The following CDH18 variants were observed in gnomAD, a reference collection of about 807,000 sequenced individuals.
CDH18 encodes the protein cadherin-18.
In CDH18, 31 loss-of-function variants were observed where a neutral mutation model predicts 67.9. That is an observed-to-expected ratio of 0.46 (90% CI 0.34 to 0.62). CDH18 has a LOEUF of 0.62. CDH18 is among the 20% of genes least tolerant of loss of function. The pLI, the probability that CDH18 is intolerant of heterozygous loss-of-function variation, is 0.01. For synonymous variants in CDH18, 362 were observed against 347.2 expected (o/e 1.04, Z -0.48); for missense variants, 890 against 975.5 (o/e 0.91, Z 1.17).
chr5:20,037,546 A>G (rs1040278758), intron 2 of CDH18, among the ~76,000 whole-genome samples: 1 of 152,160 alleles, frequency 6.6e-6, no homozygotes, highest in African/African-American at 2.4e-5. Flanking sequence ...ATTCAGGATT[A>G]AGAAACTCAC....
intron 6 of CDH18, among the ~76,000 whole-genome samples, chr5:19,598,216 T>C (rs1746479503): frequency 6.6e-6 from 1 of 152,180 alleles, no homozygotes; most frequent in Non-Finnish European, 1.5e-5. Context: ...GAGAGTATTG[T>C]CCGTAACTTA....
chr5:20,035,923 G>A (rs1346435608), intron 2 of CDH18, among the ~76,000 whole-genome samples: 1 of 151,936 alleles, frequency 6.6e-6, no homozygotes, highest in Non-Finnish European at 1.5e-5. Flanking sequence ...GAATTTGATA[G>A]CTGAATATAT....
chr5:19,882,447 T>A (rs556932369), intron 2 of CDH18, among the ~76,000 whole-genome samples: 1 of 152,138 alleles, frequency 6.6e-6, no homozygotes, highest in Non-Finnish European at 1.5e-5. Flanking sequence ...TTTCTTAGGA[T>A]CATTAAGTCA....
chr5:20,178,468 A>G (rs536245321), intron 2 of CDH18, among the ~76,000 whole-genome samples: 113 of 151,744 alleles, frequency 7.4e-4, no homozygotes, highest in African/African-American at 2.6e-3. Context: ...CTAATTAAAG[A>G]TAAACTAAGT....
intron 2 of CDH18, among the ~76,000 whole-genome samples, chr5:20,234,737 T>A (rs765659026): frequency 3.9e-5 from 6 of 152,052 alleles, no homozygotes; most frequent in Non-Finnish European, 7.4e-5. Context: ...AAAAAAAAAT[T>A]CTGTAGAGCA....
chr5:20,242,211 T>G (rs1742981343), intron 2 of CDH18, among the ~76,000 whole-genome samples: 1 of 152,082 alleles, frequency 6.6e-6, no homozygotes, highest in Non-Finnish European at 1.5e-5. Context: ...TATTTTGATA[T>G]ATGTTTACAA....
intron 5 of CDH18, 110 bp from the exon 6 acceptor site, chr5:19,612,711 G>T: frequency 3.6e-6 from 3 of 823,814 alleles, no homozygotes; most frequent in South Asian, 3.6e-5. Context: ...ATATTTTTGG[G>T]ATAAAGTCAC....
chr5:19,633,514 C>A (rs1335518800), intron 5 of CDH18, among the ~76,000 whole-genome samples: 2 of 151,978 alleles, frequency 1.3e-5, no homozygotes, highest in Admixed American at 1.3e-4. Context: ...ACAAACATTT[C>A]TTTATAAAAT....
At chr5:20,058,371 T>G (rs1742175132) in intron 2 of CDH18, among the ~76,000 whole-genome samples, 1 of 152,148 alleles carries the variant, frequency 6.6e-6, no homozygotes, top group Non-Finnish European at 1.5e-5. Context: ...TTCAAAATGA[T>G]TAAGTAGCAC....
chr5:20,270,864 A>T (rs1178096278), intron 1 of CDH18, among the ~76,000 whole-genome samples: 3 of 152,136 alleles, frequency 2.0e-5, no homozygotes, highest in Non-Finnish European at 2.9e-5. Context: ...CATTATCCTT[A>T]GCAACCTCTA....
intron 1 of CDH18, among the ~76,000 whole-genome samples, chr5:20,409,972 TAAG>T (rs1473466601): frequency 3.3e-5 from 5 of 151,700 alleles, no homozygotes; most frequent in African/African-American, 4.8e-5. Flanking sequence ...GGATTTATAA[TAAG>T]AAGATTAAGT....
At chr5:19,534,495 A>G (rs1749119386) in intron 9 of CDH18, among the ~76,000 whole-genome samples, 1 of 152,166 alleles carries the variant, frequency 6.6e-6, no homozygotes, top group Non-Finnish European at 1.5e-5. Flanking sequence ...AAAAATTCAG[A>G]AGATGAAAAA....
chr5:19,638,457 A>G (rs548119453), intron 5 of CDH18, among the ~76,000 whole-genome samples: 1 of 151,858 alleles, frequency 6.6e-6, no homozygotes, highest in East Asian at 1.9e-4. Flanking sequence ...AAGAAATTCC[A>G]CCTCATCCTA....
At chr5:20,267,442 C>T (rs1745125157) in intron 1 of CDH18, among the ~76,000 whole-genome samples, 1 of 151,888 alleles carries the variant, frequency 6.6e-6, no homozygotes, top group South Asian at 2.1e-4. Context: ...CATATAAATT[C>T]TAGGACTTTT....
chr5:20,080,378 A>T (rs551742764), intron 2 of CDH18, among the ~76,000 whole-genome samples: 3 of 152,320 alleles, frequency 2.0e-5, no homozygotes, highest in Non-Finnish European at 2.9e-5. Context: ...TTATATTATG[A>T]TAATTCATTA....
chr5:20,562,259 AG>A lies in CDH18; in HGVS notation c.-580+13202del, dbSNP rs563164687. On this transcript the variant is annotated intron_variant, in intron 1 of 14. Coordinates refer to the CDH18 transcript ENST00000507958. ...GAAATAGAAATAGAAATTAGTATCAAGAGTTTTAAAGTTGCTTGGGGACAAG... is the reference window on the plus strand; with the variant it reads ...GAAATAGAAATAGAAATTAGTATCAAAGTTTTAAAGTTGCTTGGGGACAAG... Among the ~76,000 whole-genome samples the A allele has an allele frequency of 4.6e-5, 7 of 151,970 alleles. No homozygotes were observed. In the South Asian group the frequency reaches 1.4e-3, roughly 31 times the overall value.
intron 2 of CDH18, among the ~76,000 whole-genome samples, chr5:19,924,236 T>C (rs1792837937): frequency 6.6e-6 from 1 of 152,238 alleles, no homozygotes; most frequent in Non-Finnish European, 1.5e-5. Context: ...TGTCTCTAAA[T>C]CAACAATGCA....
At chr5:19,490,220 C>T (rs1384126834) in intron 11 of CDH18, among the ~76,000 whole-genome samples, 1 of 151,710 alleles carries the variant, frequency 6.6e-6, no homozygotes, top group Non-Finnish European at 1.5e-5. Flanking sequence ...TTTTTCTTCA[C>T]CTGCATTAAT....
At chr5:20,516,244 T>C (rs1452500818) in intron 1 of CDH18, among the ~76,000 whole-genome samples, 1 of 152,008 alleles carries the variant, frequency 6.6e-6, no homozygotes, top group Non-Finnish European at 1.5e-5. Context: ...GTTGGCCACT[T>C]TTCTTTAACA....
Sources: allele counts gnomAD v4.1 joint callset (sites outside exome capture counted in the v4.1 genomes callset), GRCh38; gene constraint gnomAD v4.1.1; transcripts MANE v1.5; gene names NCBI Gene and HGNC (gene_info 2026-07-23, HGNC 2026-07-21).